Variants in SNTB1 observed in about 807,000 individuals in gnomAD.
SNTB1 encodes beta-1-syntrophin.
SNTB1 carries 36 observed loss-of-function variants against 48.9 expected under a neutral mutation model. The observed-to-expected ratio is 0.74, with a 90% CI of 0.56 to 0.97. The LOEUF is 0.97. Ranked by LOEUF, SNTB1 falls within the 50% of genes least tolerant of loss-of-function variation. The pLI, the probability that SNTB1 is intolerant of heterozygous loss-of-function variation, is 0.00. For synonymous variants in SNTB1, 299 were observed against 294.6 expected (o/e 1.01, Z -0.15); for missense variants, 786 against 703.4 (o/e 1.12, Z -1.33).
Position 120,541,989 on chromosome 8 carries a change from T to C in SNTB1, c.1345A>G (p.Lys449Glu), listed in dbSNP as rs753490296. ...ATGGTCAAACGGCACTCCTGGTTTT[T>C]GTAGGTGCAAGCTGAGAGAGAAAGA... is the stretch of plus-strand genomic sequence containing the variant. The part of the protein sequence containing the change: ...IAEISTACTY[K>E]NQECRLTIHY... Residue 449 changes from lysine to glutamate, a missense_variant, in exon 6 of 7, where the codon AAA becomes GAA. Physicochemically the swap from Lys to Glu is moderately conservative, Grantham distance 56. Coordinates refer to ENST00000517992, the MANE Select transcript of SNTB1 (RefSeq NM_021021.4). 1.4e-5 allele frequency: 22 copies of C among 1,613,420 alleles called. No individual in the cohort carries two copies. In the Admixed American group the frequency reaches 3.7e-4, roughly 27 times the overall value.
chr8:120,729,139 C>T (rs1000850218), intron 1 of SNTB1, among the ~76,000 whole-genome samples: 13 of 152,034 alleles, frequency 8.6e-5, no homozygotes, highest in African/African-American at 2.2e-4. Context: ...CCATTAGGCC[C>T]GGCTAATTTT....
At chr8:120,636,169 G>C (rs924520877) in intron 2 of SNTB1, 7 of 192,386 alleles carry the variant, frequency 3.6e-5, no homozygotes, top group Non-Finnish European at 6.3e-5. Context: ...TCTCTGCAGA[G>C]TTTCCAGGCA....
chr8:120,727,670 G>C (rs1587118359), intron 1 of SNTB1, among the ~76,000 whole-genome samples: 1 of 152,160 alleles, frequency 6.6e-6, no homozygotes. Flanking sequence ...AACTACTGTA[G>C]AGAAGATTCA....
chr8:120,653,062 A>G (rs1357528629), intron 2 of SNTB1, among the ~76,000 whole-genome samples: 1 of 152,154 alleles, frequency 6.6e-6, no homozygotes, highest in African/African-American at 2.4e-5. Flanking sequence ...TGTGCTGTAG[A>G]GGCAACTGGA....
intron 2 of SNTB1, among the ~76,000 whole-genome samples, chr8:120,687,957 C>T (rs1486575799): frequency 6.6e-6 from 1 of 152,172 alleles, no homozygotes; most frequent in Non-Finnish European, 1.5e-5. Context: ...ATTGTGGTGA[C>T]ATCACTAAGG....
chr8:120,605,197 C>T lies in SNTB1; in HGVS notation c.996+27247G>A, dbSNP rs1440139804. 3.3e-5 allele frequency among the ~76,000 whole-genome samples: 5 copies of T among 152,326 alleles called. No individual in the cohort carries two copies. The East Asian group carries it at 9.6e-4, about 29-fold the overall frequency. ...TTCAGTGGTGCTGACTCTGCAGTCC[C>T]CTTTCTATAGGGCTTGGAGGAACAG... On this transcript the variant is annotated intron_variant, in intron 3 of 6. Transcript: ENST00000517992.
At chr8:120,663,708 A>C (rs2129758365) in intron 2 of SNTB1, among the ~76,000 whole-genome samples, 1 of 152,234 alleles carries the variant, frequency 6.6e-6, no homozygotes, top group East Asian at 1.9e-4. Context: ...AGAATTATTC[A>C]AGCAGAGTGA....
chr8:120,761,468 G>C (rs149407687), intron 1 of SNTB1: 2 of 152,128 alleles, frequency 1.3e-5, no homozygotes, highest in Non-Finnish European at 2.9e-5. Context: ...AGGAAGCTCC[G>C]GCTCAAATGG....
intron 4 of SNTB1, among the ~76,000 whole-genome samples, chr8:120,561,815 T>G (rs1815665771): frequency 6.6e-6 from 1 of 152,204 alleles, no homozygotes; most frequent in South Asian, 2.1e-4. Flanking sequence ...GATATTCTCC[T>G]ACCATCAGCC....
At chr8:120,618,903 C>T (rs1053832859) in intron 3 of SNTB1, among the ~76,000 whole-genome samples, 16 of 152,162 alleles carry the variant, frequency 1.1e-4, no homozygotes, top group South Asian at 4.1e-4. Flanking sequence ...TATCAAGGTT[C>T]ATGGTTAAGC....
chr8:120,694,555 A>G (rs1006682595), intron 1 of SNTB1, among the ~76,000 whole-genome samples: 2 of 151,308 alleles, frequency 1.3e-5, no homozygotes, highest in Non-Finnish European at 2.9e-5. Flanking sequence ...TTAATTCTTA[A>G]TATATATCAT....
chr8:120,798,218 G>T (rs569040287), intron 1 of SNTB1, among the ~76,000 whole-genome samples: 1 of 151,818 alleles, frequency 6.6e-6, no homozygotes, highest in Non-Finnish European at 1.5e-5. Context: ...ACCTTCTAAG[G>T]CCCCAGACTA....
At chr8:120,674,002 A>G (rs1465230397) in intron 2 of SNTB1, among the ~76,000 whole-genome samples, 1 of 152,180 alleles carries the variant, frequency 6.6e-6, no homozygotes, top group African/African-American at 2.4e-5. Flanking sequence ...TAGTTGGAGA[A>G]TATTTTCCCT....
chr8:120,656,196 A>C (rs972669392), intron 2 of SNTB1, among the ~76,000 whole-genome samples: 1 of 152,210 alleles, frequency 6.6e-6, no homozygotes, highest in Non-Finnish European at 1.5e-5. Flanking sequence ...AGATCATTTA[A>C]GGAATGTGTC....
intron 3 of SNTB1, among the ~76,000 whole-genome samples, chr8:120,591,945 CCACTT>C (rs1298980558): frequency 6.6e-6 from 1 of 152,124 alleles, no homozygotes; most frequent in African/African-American, 2.4e-5. Flanking sequence ...AAAAAATAGA[CCACTT>C]CAGTTTAATT....
chr8:120,791,505 A>G (rs1468839898), intron 1 of SNTB1, among the ~76,000 whole-genome samples: 2 of 152,106 alleles, frequency 1.3e-5, no homozygotes, highest in Admixed American at 1.3e-4. Flanking sequence ...GTAAACAGAT[A>G]ACTTACAGAA....
chr8:120,734,689 G>T (rs1019154948), intron 1 of SNTB1, among the ~76,000 whole-genome samples: 5 of 152,166 alleles, frequency 3.3e-5, no homozygotes, highest in African/African-American at 1.2e-4. Context: ...AGAACCAGAA[G>T]GATGAAGCCC....
At chr8:120,657,362 A>T (rs1044616891) in intron 2 of SNTB1, among the ~76,000 whole-genome samples, 1 of 152,272 alleles carries the variant, frequency 6.6e-6, no homozygotes, top group Admixed American at 6.5e-5. Flanking sequence ...ACCTAGGATG[A>T]GATGTAAGTT....
intron 3 of SNTB1, 131 bp downstream of exon 3, chr8:120,632,313 G>T: frequency 1.2e-6 from 1 of 867,112 alleles, no homozygotes; most frequent in Non-Finnish European, 1.8e-6. Context: ...TAGCCTGCTG[G>T]AGAGGAATGA....
Sources: allele counts gnomAD v4.1 joint callset (sites outside exome capture counted in the v4.1 genomes callset), GRCh38; gene constraint gnomAD v4.1.1; transcripts MANE v1.5; gene names NCBI Gene and HGNC (gene_info 2026-07-23, HGNC 2026-07-21).